SDK1: variants seen among roughly 807,000 people sequenced by gnomAD.
The protein encoded by SDK1 is sidekick cell adhesion molecule 1, also known as protein sidekick-1.
SDK1 carries 157 observed loss-of-function variants against 245.5 expected under a neutral mutation model. That is an observed-to-expected ratio of 0.64 (90% CI 0.56 to 0.73). SDK1 has a LOEUF of 0.73. Among genes scored for constraint, SDK1 ranks in the 30% least tolerant of loss-of-function variants. SDK1 has a pLI of 0.00. For missense variants in SDK1, 3,583 were observed against 3,002.3 expected, an observed-to-expected ratio of 1.19 and a Z score of -4.52; for synonymous variants, 1,647 against 1,278.5, an observed-to-expected ratio of 1.29 and a Z score of -6.15.
intron 1 of SDK1, among the ~76,000 whole-genome samples, chr7:3,614,885 C>A (rs1226434047): frequency 6.6e-6 from 1 of 151,752 alleles, no homozygotes; most frequent in African/African-American, 2.4e-5. Context: ...TATTTGCTTG[C>A]CAGCTATATG....
intron 5 of SDK1, among the ~76,000 whole-genome samples, chr7:3,860,234 G>C (rs10252169): frequency 6.6e-6 from 1 of 151,864 alleles, no homozygotes; most frequent in African/African-American, 2.4e-5. Flanking sequence ...TGTAACAAAG[G>C]CCCTATAACA....
At chr7:3,877,136 C>T (rs1420526692) in intron 5 of SDK1, among the ~76,000 whole-genome samples, 2 of 152,102 alleles carry the variant, frequency 1.3e-5, no homozygotes, top group African/African-American at 4.8e-5. Flanking sequence ...AGGAACAGAC[C>T]CCAATCCATT....
At chr7:3,753,704 A>G (rs1160898153) in intron 4 of SDK1, among the ~76,000 whole-genome samples, 1 of 152,162 alleles carries the variant, frequency 6.6e-6, no homozygotes, top group Non-Finnish European at 1.5e-5. Context: ...GGGATTTTTT[A>G]TTATCAATGA....
At chr7:3,949,779 G>T (rs1360296595) in intron 5 of SDK1, among the ~76,000 whole-genome samples, 2 of 152,088 alleles carry the variant, frequency 1.3e-5, no homozygotes, top group Non-Finnish European at 2.9e-5. Context: ...AGAAGTACGA[G>T]ATAAATTATT....
Position 4,267,869 on chromosome 7 carries a change from C to G in SDK1, c.*2485C>G. 1.0e-6 allele frequency: 1 copy of G among 985,524 alleles called. No individual in the cohort carries two copies. The highest frequency in any genetic ancestry group is 1.2e-6 in the Non-Finnish European group (1 of 830,038). 61.0% of individuals were successfully genotyped at this position (985,524 alleles called of 1,614,324 possible). On this transcript the variant is annotated 3_prime_UTR_variant, in exon 45 of 45. Transcript: ENST00000404826. ...TGTGCTTAGGACAGCGCCCATGCCT[C>G]GGAGGGACTCTGTCCCATGAGAACC...
intron 1 of SDK1, among the ~76,000 whole-genome samples, chr7:3,496,168 C>T (rs145792734): frequency 2.0e-5 from 3 of 152,150 alleles, no homozygotes; most frequent in African/African-American, 7.2e-5. Flanking sequence ...TCTGTCACTG[C>T]TGCCTCCTCA....
chr7:4,225,218 CCACTGGGGGA>C (rs796835313), intron 40 of SDK1, among the ~76,000 whole-genome samples: 263 of 152,164 alleles, frequency 1.7e-3, no homozygotes, highest in African/African-American at 6.0e-3. Flanking sequence ...CAGGATGTTA[CCACTGGGGGA>C]CACTGGGTAA....
At chr7:3,917,936 A>T (rs1432154014) in intron 5 of SDK1, among the ~76,000 whole-genome samples, 1 of 151,964 alleles carries the variant, frequency 6.6e-6, no homozygotes, top group Non-Finnish European at 1.5e-5. Flanking sequence ...TTTTGATCAA[A>T]CCCTCGGTAA....
intron 1 of SDK1, among the ~76,000 whole-genome samples, chr7:3,449,326 T>G (rs1265033056): frequency 6.6e-6 from 1 of 151,190 alleles, no homozygotes; most frequent in Non-Finnish European, 1.5e-5. Flanking sequence ...TTTCATTCAT[T>G]GTGGAAATAA....
At chr7:3,954,758 G>T (rs1781125522) in intron 7 of SDK1, among the ~76,000 whole-genome samples, 1 of 150,344 alleles carries the variant, frequency 6.7e-6, no homozygotes. Context: ...GATGTAGATG[G>T]TACCAGCTCA....
chr7:3,465,595 A>C (rs147209823), intron 1 of SDK1, among the ~76,000 whole-genome samples: 2 of 152,130 alleles, frequency 1.3e-5, no homozygotes, highest in Non-Finnish European at 2.9e-5. Flanking sequence ...GGGTGGGATC[A>C]AGTCCCCTGT....
chr7:3,434,707 C>T (rs1484916652), intron 1 of SDK1, among the ~76,000 whole-genome samples: 1 of 152,120 alleles, frequency 6.6e-6, no homozygotes, highest in South Asian at 2.1e-4. Flanking sequence ...CTCGATTTGC[C>T]TCCCTGTGAG....
intron 16 of SDK1, among the ~76,000 whole-genome samples, chr7:4,015,863 G>A (rs189782104): frequency 6.6e-6 from 1 of 152,286 alleles, no homozygotes; most frequent in Non-Finnish European, 1.5e-5. Context: ...TATCAAACAG[G>A]CCCCACCAAG....
At chr7:3,595,515 A>G (rs966652189) in intron 1 of SDK1, among the ~76,000 whole-genome samples, 1 of 152,136 alleles carries the variant, frequency 6.6e-6, no homozygotes, top group African/African-American at 2.4e-5. Flanking sequence ...GATATATTTA[A>G]TAAAACTCAC....
intron 1 of SDK1, among the ~76,000 whole-genome samples, chr7:3,341,595 G>A (rs1780350172): frequency 6.6e-6 from 1 of 152,090 alleles, no homozygotes; most frequent in South Asian, 2.1e-4. Context: ...GAACTGAGGA[G>A]TTCAACATAG....
intron 5 of SDK1, among the ~76,000 whole-genome samples, chr7:3,850,242 A>G (rs762473681): frequency 1.3e-4 from 20 of 152,196 alleles, no homozygotes; most frequent in Non-Finnish European, 2.4e-4. Flanking sequence ...TCTGCATCCA[A>G]TCCTCATCTG....
chr7:3,535,929 T>A (rs1359277939), intron 1 of SDK1, among the ~76,000 whole-genome samples: 1 of 152,216 alleles, frequency 6.6e-6, no homozygotes, highest in Admixed American at 6.5e-5. Flanking sequence ...AACATATTCC[T>A]GAACATATTT....
At chr7:3,816,462 A>G (rs1220206314) in intron 4 of SDK1, among the ~76,000 whole-genome samples, 1 of 150,314 alleles carries the variant, frequency 6.7e-6, no homozygotes, top group Non-Finnish European at 1.5e-5. Context: ...AGAATACTAC[A>G]AACACCTCTA....
intron 1 of SDK1, among the ~76,000 whole-genome samples, chr7:3,485,363 C>T (rs13242602): frequency 0.063 from 9,535 of 152,068 alleles, 392 homozygotes; most frequent in East Asian, 0.19. Flanking sequence ...TGCTTATTTG[C>T]GATTGAGTTG....
Sources: gnomAD v4.1 joint callset for allele counts (sites outside exome capture counted in the v4.1 genomes callset) on GRCh38, gnomAD v4.1.1 for gene constraint, MANE v1.5 for transcripts, NCBI Gene and HGNC (gene_info 2026-07-23, HGNC 2026-07-21) for gene names.